Variants in RAB2A observed in about 807,000 individuals in gnomAD.
RAB2A encodes the protein ras-related protein Rab-2A.
Under a neutral mutation model 32.5 loss-of-function variants are expected in RAB2A, and 7 were observed. That is an observed-to-expected ratio of 0.22 (90% CI 0.12 to 0.40). RAB2A has a LOEUF of 0.40. Ranked by LOEUF, RAB2A falls within the 10% of genes least tolerant of loss-of-function variation. The pLI is 1.00. For missense variants in RAB2A, 108 were observed against 260.7 expected, an observed-to-expected ratio of 0.41 and a Z score of 4.03; for synonymous variants, 79 against 85.2, an observed-to-expected ratio of 0.93 and a Z score of 0.40.
rs943641368 is a variant in RAB2A at position 60,517,020 on chromosome 8, C to T, written c.-188C>T. ...GCTGGGCTCGGTCGGGCGCTGTCTC[C>T]CTCGGCTCTGCGGGTGTCAGTTCGT... On this transcript the variant is annotated 5_prime_UTR_variant, in exon 1 of 8. Coordinates refer to ENST00000262646, the MANE Select transcript of RAB2A (RefSeq NM_002865.3). 2.7e-5 allele frequency: 14 copies of T among 513,470 alleles called. No homozygotes were observed. Among genetic ancestry groups the T allele is most frequent in the Non-Finnish European group, 4.1e-5 (12 of 295,592 alleles). The allele number at this position is 513,470 out of a possible 1,614,324, so 31.8% of individuals were successfully genotyped here.
At chr8:60,556,054 G>A (rs1437438469) in intron 1 of RAB2A, among the ~76,000 whole-genome samples, 2 of 152,204 alleles carry the variant, frequency 1.3e-5, no homozygotes, top group African/African-American at 4.8e-5. Context: ...CCTGTCATTT[G>A]TGGCAACATG....
intron 6 of RAB2A, among the ~76,000 whole-genome samples, chr8:60,603,495 C>G (rs901837225): frequency 6.6e-6 from 1 of 152,180 alleles, no homozygotes; most frequent in African/African-American, 2.4e-5. Context: ...TGATTTCATC[C>G]AAGAAGGATC....
At chr8:60,554,009 C>T (rs1461167895) in intron 1 of RAB2A, among the ~76,000 whole-genome samples, 1 of 152,172 alleles carries the variant, frequency 6.6e-6, no homozygotes. Context: ...TTGTTGCTAA[C>T]TATAGAGTCT....
At chr8:60,537,743 G>A (rs1807579778) in intron 1 of RAB2A, among the ~76,000 whole-genome samples, 1 of 151,962 alleles carries the variant, frequency 6.6e-6, no homozygotes, top group African/African-American at 2.4e-5. Context: ...CCCAGTGGGA[G>A]TGCAGTGGCT....
chr8:60,603,538 G>T (rs1458095595), intron 6 of RAB2A, among the ~76,000 whole-genome samples: 1 of 152,210 alleles, frequency 6.6e-6, no homozygotes, highest in African/African-American at 2.4e-5. Flanking sequence ...CGTGGTAAAT[G>T]AATGCAAAGG....
At chr8:60,605,898 C>G (rs1305642816) in intron 6 of RAB2A, among the ~76,000 whole-genome samples, 1 of 148,482 alleles carries the variant, frequency 6.7e-6, no homozygotes, top group Non-Finnish European at 1.5e-5. Context: ...CCTATAATCC[C>G]AGCACTTTGG....
At chr8:60,572,147 GTA>G (rs1563473853) in intron 3 of RAB2A, 34 bp downstream of exon 3, 2 of 1,473,320 alleles carry the variant, frequency 1.4e-6, no homozygotes, top group Admixed American at 3.5e-5. Context: ...TATGATCTCA[GTA>G]AAGTTACTTT....
At chr8:60,518,958 T>C (rs1807257809) in intron 1 of RAB2A, among the ~76,000 whole-genome samples, 1 of 152,200 alleles carries the variant, frequency 6.6e-6, no homozygotes, top group South Asian at 2.1e-4. Context: ...CAGTTTTTTA[T>C]TTGAGGCTGT....
upstream of RAB2A, chr8:60,516,920 C>A (rs1362960052): frequency 1.0e-5 from 3 of 287,518 alleles, no homozygotes; most frequent in Non-Finnish European, 2.0e-5. Flanking sequence ...TTTCCTCCGG[C>A]GGCGCCGGCG....
intron 1 of RAB2A, among the ~76,000 whole-genome samples, chr8:60,523,933 G>A (rs1204716874): frequency 6.6e-6 from 1 of 151,962 alleles, no homozygotes; most frequent in Non-Finnish European, 1.5e-5. Context: ...CTCGTGATCC[G>A]CCTGCCTCGG....
At chr8:60,521,248 G>GT (rs1385789405) in intron 1 of RAB2A, among the ~76,000 whole-genome samples, 4 of 152,236 alleles carry the variant, frequency 2.6e-5, no homozygotes, top group African/African-American at 9.6e-5. Flanking sequence ...ACTAGGTGAT[G>GT]TTTCAGCTGA....
intron 7 of RAB2A, among the ~76,000 whole-genome samples, chr8:60,619,672 A>G (rs928385601): frequency 6.6e-6 from 1 of 152,234 alleles, no homozygotes; most frequent in Non-Finnish European, 1.5e-5. Context: ...GACTAATGCC[A>G]TATAAATTGA....
chr8:60,605,903 C>T (rs1186009535), intron 6 of RAB2A, among the ~76,000 whole-genome samples: 1 of 149,024 alleles, frequency 6.7e-6, no homozygotes, highest in Non-Finnish European at 1.5e-5. Flanking sequence ...AATCCCAGCA[C>T]TTTGGGAGGC....
chr8:60,562,084 T>G (rs1349775453), intron 2 of RAB2A, among the ~76,000 whole-genome samples: 1 of 152,232 alleles, frequency 6.6e-6, no homozygotes, highest in Non-Finnish European at 1.5e-5. Context: ...ATCTTTCTCT[T>G]CTCAGAGGAT....
intron 1 of RAB2A, among the ~76,000 whole-genome samples, chr8:60,528,427 G>A (rs1807425041): frequency 6.6e-6 from 1 of 152,086 alleles, no homozygotes; most frequent in Non-Finnish European, 1.5e-5. Context: ...AATCTGACCA[G>A]TGCTGTATAG....
At chr8:60,618,479 G>T in intron 6 of RAB2A, 101 bp from the exon 7 acceptor site, 4 of 501,760 alleles carry the variant, frequency 8.0e-6, no homozygotes, top group Non-Finnish European at 1.2e-5. Flanking sequence ...TACGTCGATT[G>T]ACTTTCATAT....
chr8:60,597,953 TC>T (rs1804058940), intron 6 of RAB2A, among the ~76,000 whole-genome samples: 1 of 152,142 alleles, frequency 6.6e-6, no homozygotes, highest in South Asian at 2.1e-4. Context: ...GACCAGTTTA[TC>T]CAAAAACACA....
At chr8:60,611,903 C>A (rs1804354936) in intron 6 of RAB2A, among the ~76,000 whole-genome samples, 1 of 152,116 alleles carries the variant, frequency 6.6e-6, no homozygotes, top group Non-Finnish European at 1.5e-5. Context: ...ACATAGAAAA[C>A]CAATTATTAA....
chr8:60,536,667 C>T (rs1807563365), intron 1 of RAB2A, among the ~76,000 whole-genome samples: 1 of 152,182 alleles, frequency 6.6e-6, no homozygotes, highest in Non-Finnish European at 1.5e-5. Context: ...AAACATTTCT[C>T]TTTATTAGAT....
Sources: allele counts gnomAD v4.1 joint callset (sites outside exome capture counted in the v4.1 genomes callset), GRCh38; gene constraint gnomAD v4.1.1; transcripts MANE v1.5; gene names NCBI Gene and HGNC (gene_info 2026-07-23, HGNC 2026-07-21).